Variants in SEPTIN2 observed in about 807,000 individuals in gnomAD.
SEPTIN2 encodes septin 2.
In SEPTIN2, 34 loss-of-function variants were observed where a neutral mutation model predicts 46.5. The ratio of observed to expected loss-of-function variants is 0.73; its 90% CI spans 0.56 to 0.97. The LOEUF is 0.97. Ranked by LOEUF, SEPTIN2 falls within the 50% of genes least tolerant of loss-of-function variation. The pLI is 0.00. For missense variants in SEPTIN2, 347 were observed against 448.4 expected, an observed-to-expected ratio of 0.77 and a Z score of 2.04; for synonymous variants, 175 against 153.4, an observed-to-expected ratio of 1.14 and a Z score of -1.04.
chr2:241,333,887 G>A (rs2079455718), intron 3 of SEPTIN2, among the ~76,000 whole-genome samples: 1 of 152,158 alleles, frequency 6.6e-6, no homozygotes, highest in Non-Finnish European at 1.5e-5. Flanking sequence ...GTCTCACTCT[G>A]TCACCTAGGC....
At chr2:241,325,446 G>A (rs2077801036) in intron 2 of SEPTIN2, among the ~76,000 whole-genome samples, 1 of 151,844 alleles carries the variant, frequency 6.6e-6, no homozygotes, top group Non-Finnish European at 1.5e-5. Context: ...CCCCTAATTT[G>A]CCTGCCTCAC....
intron 3 of SEPTIN2, among the ~76,000 whole-genome samples, chr2:241,330,154 A>T (rs1031344019): frequency 2.0e-5 from 3 of 152,170 alleles, no homozygotes; most frequent in Non-Finnish European, 4.4e-5. Context: ...GTCCAGCAAT[A>T]TATCTAAATA....
chr2:241,323,574 T>G (rs2077467999), intron 1 of SEPTIN2, among the ~76,000 whole-genome samples: 1 of 152,186 alleles, frequency 6.6e-6, no homozygotes, highest in Non-Finnish European at 1.5e-5. Flanking sequence ...TTTAATCGAA[T>G]TTATTTTTGT....
At chr2:241,348,962 A>G (rs928020739) in intron 11 of SEPTIN2, among the ~76,000 whole-genome samples, 5 of 152,232 alleles carry the variant, frequency 3.3e-5, no homozygotes, top group African/African-American at 1.2e-4. Flanking sequence ...GTTAAAAATA[A>G]CCACAAAGTC....
At chr2:241,349,640 G>T (rs922096026) in intron 11 of SEPTIN2, among the ~76,000 whole-genome samples, 1 of 152,002 alleles carries the variant, frequency 6.6e-6, no homozygotes, top group Non-Finnish European at 1.5e-5. Context: ...GACCAATGTG[G>T]TGAAACCCCG....
chr2:241,347,676 C>T (rs976220428), intron 10 of SEPTIN2, among the ~76,000 whole-genome samples: 2 of 152,094 alleles, frequency 1.3e-5, no homozygotes, highest in African/African-American at 2.4e-5. Flanking sequence ...TCATGTTGTT[C>T]GAACTTTTTA....
chr2:241,330,108 G>A (rs1025559359), intron 3 of SEPTIN2, among the ~76,000 whole-genome samples: 3 of 152,040 alleles, frequency 2.0e-5, no homozygotes, highest in Non-Finnish European at 4.4e-5. Context: ...ACATATACAC[G>A]AGCTAGACAT....
chr2:241,345,697 T>A (rs1261128850), intron 9 of SEPTIN2, among the ~76,000 whole-genome samples: 1 of 152,248 alleles, frequency 6.6e-6, no homozygotes, highest in East Asian at 1.9e-4. Flanking sequence ...CTTTATGGTC[T>A]TGTACATAGC....
chr2:241,315,705 C>T (rs1213560057), upstream of SEPTIN2: 2 of 152,416 alleles, frequency 1.3e-5, no homozygotes, highest in Non-Finnish European at 1.5e-5. Context: ...CTCTATATGG[C>T]CAACTGCCGT....
chr2:241,339,285 C>T (rs2080923235), intron 7 of SEPTIN2, among the ~76,000 whole-genome samples: 2 of 150,206 alleles, frequency 1.3e-5, no homozygotes, highest in African/African-American at 2.5e-5. Context: ...CCCAGCCACT[C>T]AGGAGGCTGA....
intron 7 of SEPTIN2, among the ~76,000 whole-genome samples, chr2:241,338,654 ATATAT>A (rs1340960725): frequency 1.6e-4 from 21 of 128,478 alleles, no homozygotes; most frequent in Middle Eastern, 3.8e-3. Context: ...TATATTACAT[ATATAT>A]TATATCTATA....
At chr2:241,315,873 C>T (rs1209192199), upstream of SEPTIN2, 2 of 148,268 alleles carry the variant, frequency 1.3e-5, no homozygotes, top group African/African-American at 4.9e-5. Flanking sequence ...CGCAATCCGC[C>T]TGCGCGCTGG....
chr2:241,334,679 A>C (rs2079605262), intron 3 of SEPTIN2, among the ~76,000 whole-genome samples: 1 of 152,226 alleles, frequency 6.6e-6, no homozygotes, highest in Admixed American at 6.5e-5. Context: ...ACGTTTCTGC[A>C]GCTCGGGAAG....
intron 1 of SEPTIN2, chr2:241,320,103 G>A (rs1387811444): frequency 5.9e-5 from 23 of 392,830 alleles, no homozygotes; most frequent in South Asian, 3.8e-4. Flanking sequence ...GGCCTATGGC[G>A]TTCATTCATT....
At position 241,346,161 on chromosome 2, in the gene SEPTIN2, T is replaced by C; in HGVS notation, c.843-5T>C. 1 of 1,612,654 alleles carries C rather than the reference T, an allele frequency of 6.2e-7. No individual in the cohort carries two copies. Among genetic ancestry groups the C allele is most frequent in the Non-Finnish European group, 8.5e-7 (1 of 1,178,820 alleles). On this transcript the variant is annotated splice_region_variant and splice_polypyrimidine_tract_variant and intron_variant, in intron 9 of 12. Transcript: ENST00000391971. ...CCACCTTGGTGCATTCCTCTTCTCT[T>C]TCAGCACCCACATGCAGGATCTCCA...
At chr2:241,329,007 T>A (rs77761724) in intron 3 of SEPTIN2, among the ~76,000 whole-genome samples, 3,609 of 150,930 alleles carry the variant, frequency 0.024, 72 homozygotes, top group Middle Eastern at 0.076. Flanking sequence ...GCAACAAGAG[T>A]GAAACTCCAT....
At chr2:241,327,527 A>T (rs1575189163) in intron 3 of SEPTIN2, among the ~76,000 whole-genome samples, 1 of 151,934 alleles carries the variant, frequency 6.6e-6, no homozygotes, top group African/African-American at 2.4e-5. Context: ...AAAACATGAA[A>T]AAATAATGCC....
Position 241,335,136 on chromosome 2 carries a change from T to G in SEPTIN2, c.141T>G (p.Gly47=), listed in dbSNP as rs1328305765. Residue 47 remains glycine, a synonymous_variant, in exon 4 of 13, where the codon GGT becomes GGG. Coordinates refer to ENST00000391971, the MANE Select transcript of SEPTIN2 (RefSeq NM_004404.5). ...TCTTTTTATTTAAAGGTGAATCAGG[T>G]CTAGGAAAATCGACTCTCATAAACA... is the stretch of plus-strand genomic sequence containing the variant. The part of the protein sequence containing the change: ...EFTLMVVGES[G]LGKSTLINSL... 6.2e-7 allele frequency: 1 copy of G among 1,611,972 alleles called. No individual in the cohort carries two copies. The highest frequency in any genetic ancestry group is 8.5e-7 in the Non-Finnish European group (1 of 1,178,384).
intron 1 of SEPTIN2, among the ~76,000 whole-genome samples, chr2:241,318,951 C>T (rs1160346749): frequency 6.6e-6 from 1 of 152,142 alleles, no homozygotes; most frequent in Non-Finnish European, 1.5e-5. Flanking sequence ...CCGTCTTGGC[C>T]TCCCAAAATG....
Sources: gnomAD v4.1 joint callset for allele counts (sites outside exome capture counted in the v4.1 genomes callset) on GRCh38, gnomAD v4.1.1 for gene constraint, MANE v1.5 for transcripts, NCBI Gene and HGNC (gene_info 2026-07-23, HGNC 2026-07-21) for gene names.